The following PIWIL2 variants were observed in gnomAD, a reference collection of about 807,000 sequenced individuals.
PIWIL2 encodes the protein piwi-like protein 2.
Under a neutral mutation model 116.5 loss-of-function variants are expected in PIWIL2, and 81 were observed. The ratio of observed to expected loss-of-function variants is 0.70; its 90% CI spans 0.58 to 0.84. PIWIL2 has a LOEUF of 0.84. PIWIL2 is among the 40% of genes least tolerant of loss of function. The pLI is 0.00. For missense variants in PIWIL2, 1,272 were observed against 1,212.3 expected (o/e 1.05, Z -0.73); for synonymous variants, 489 against 429.5 (o/e 1.14, Z -1.71).
At chr8:22,339,632 A>T (rs1832061525) in intron 20 of PIWIL2, among the ~76,000 whole-genome samples, 1 of 152,228 alleles carries the variant, frequency 6.6e-6, no homozygotes, top group Non-Finnish European at 1.5e-5. Flanking sequence ...GAAAAAATCG[A>T]TTTGATGAAA....
chr8:22,338,287 T>G (rs2132090141), intron 20 of PIWIL2, among the ~76,000 whole-genome samples: 1 of 152,262 alleles, frequency 6.6e-6, no homozygotes, highest in South Asian at 2.1e-4. Flanking sequence ...CCAGAACTAG[T>G]AAGCAAGAAT....
intron 20 of PIWIL2, among the ~76,000 whole-genome samples, chr8:22,328,273 C>G (rs1351126192): frequency 6.6e-6 from 1 of 152,190 alleles, no homozygotes; most frequent in Non-Finnish European, 1.5e-5. Flanking sequence ...ACTGCTAATT[C>G]TATTCCATTG....
At chr8:22,300,460 A>G (rs1234557297) in intron 10 of PIWIL2, among the ~76,000 whole-genome samples, 2 of 152,208 alleles carry the variant, frequency 1.3e-5, no homozygotes, top group Non-Finnish European at 2.9e-5. Flanking sequence ...TAAAGTTGCT[A>G]TAAATATTAG....
At chr8:22,315,174 C>A in intron 18 of PIWIL2, 29 bp downstream of exon 18, 1 of 1,224,050 alleles carries the variant, frequency 8.2e-7, no homozygotes, top group Non-Finnish European at 1.2e-6. Context: ...GTTCAGTTTG[C>A]CTCTCCAGAG....
At chr8:22,321,969 C>T (rs182000589) in intron 20 of PIWIL2, 1 of 985,254 alleles carries the variant, frequency 1.0e-6, no homozygotes, top group Admixed American at 6.1e-5. Context: ...AAATCTCTCA[C>T]TTGTCCTCTG....
intron 6 of PIWIL2, among the ~76,000 whole-genome samples, chr8:22,286,500 A>G (rs540715121): frequency 2.0e-5 from 3 of 152,228 alleles, no homozygotes; most frequent in African/African-American, 7.2e-5. Context: ...CATTAAACAG[A>G]GGGGAGAGGG....
chr8:22,304,110 A>C lies in PIWIL2; in HGVS notation c.1271A>C (p.Asn424Thr). The change falls in exon 11 of 23, where the codon AAT (asparagine) becomes ACT (threonine). Residue 424 changes from asparagine (N) to threonine (T), a missense_variant. By Grantham distance (65) the Asn-to-Thr change is moderately conservative (BLOSUM62 0). Transcript: ENST00000356766. ...VGNIVITRYNNRTYRIDDVDW... is the reference protein window; with the variant it reads ...VGNIVITRYNTRTYRIDDVDW... The stretch of plus-strand genomic sequence containing the variant: ...AATATTGTTATCACCCGATATAACA[A>C]TCGTACCTATCGTATTGATGATGTG... 6.2e-7 allele frequency: 1 copy of C among 1,611,680 alleles called. No individual in the cohort carries two copies. The highest frequency in any genetic ancestry group is 8.5e-7 in the Non-Finnish European group (1 of 1,177,734).
At position 22,290,025 on chromosome 8, in the gene PIWIL2, A is replaced by G. The variant is rs946369678; in HGVS notation, c.1067+98A>G. On this transcript the variant is annotated intron_variant, in intron 9 of 22. Coordinates refer to ENST00000356766, the MANE Select transcript of PIWIL2 (RefSeq NM_018068.5). ...AGTACTATAATGTCAGCAGTAGTTTATGGTAGTGAATACAGTTTATCAATT... is the reference window on the plus strand; with the variant it reads ...AGTACTATAATGTCAGCAGTAGTTTGTGGTAGTGAATACAGTTTATCAATT... 3 of 808,490 alleles carry G rather than the reference A, an allele frequency of 3.7e-6. No individual in the cohort carries two copies. The African/African-American group carries it at 5.1e-5, about 14-fold the overall frequency. The allele number at this position is 808,490 out of a possible 1,614,324, so 50.1% of individuals were successfully genotyped here.
At chr8:22,322,076 T>G (rs371576667) in intron 20 of PIWIL2, 1 of 620,490 alleles carries the variant, frequency 1.6e-6, no homozygotes, top group South Asian at 7.2e-5. Flanking sequence ...CAAAATAGGT[T>G]AGAGGATAGA....
chr8:22,351,703 A>T (rs1310334554), intron 20 of PIWIL2, among the ~76,000 whole-genome samples: 2 of 150,150 alleles, frequency 1.3e-5, no homozygotes, highest in African/African-American at 4.9e-5. Context: ...ACACCTGGCT[A>T]ATTTTTGTAT....
chr8:22,343,689 A>G (rs1832161560), intron 20 of PIWIL2, among the ~76,000 whole-genome samples: 1 of 152,242 alleles, frequency 6.6e-6, no homozygotes, highest in Non-Finnish European at 1.5e-5. Flanking sequence ...AAACAATCAG[A>G]TACCACTACA....
In PIWIL2 at chr8:22,289,967, G is replaced by C. The variant is rs763947391; in HGVS notation, c.1067+40G>C. The C allele has an allele frequency of 4.5e-6, 6 of 1,335,028 alleles. No homozygotes were observed. In the Admixed American group the frequency reaches 1.0e-4, roughly 23 times the overall value. The allele number at this position is 1,335,028 out of a possible 1,614,324, so 82.7% of individuals were successfully genotyped here. A position where few individuals can be genotyped will look rare whatever the true frequency, so the allele number is the denominator to read the frequency against. On this transcript the variant is annotated intron_variant, in intron 9 of 22. Transcript: ENST00000356766. ...CCCTTCCCTCACTTTTGAATGTTCT[G>C]GAAAGAAAGTTTCCATTACAACCAT...
chr8:22,295,653 C>G (rs1263869645), intron 10 of PIWIL2, among the ~76,000 whole-genome samples: 1 of 152,120 alleles, frequency 6.6e-6, no homozygotes, highest in African/African-American at 2.4e-5. Context: ...CTCCCTTGTC[C>G]CCTGCAGCTG....
At chr8:22,329,604 A>G (rs1265385764) in intron 20 of PIWIL2, among the ~76,000 whole-genome samples, 3 of 152,240 alleles carry the variant, frequency 2.0e-5, no homozygotes, top group South Asian at 2.1e-4. Flanking sequence ...CTGCTCCTAT[A>G]ATCGAAACAC....
intron 20 of PIWIL2, among the ~76,000 whole-genome samples, chr8:22,349,800 C>T (rs1156392571): frequency 6.6e-6 from 1 of 152,176 alleles, no homozygotes; most frequent in Non-Finnish European, 1.5e-5. Context: ...GGTAAATGGG[C>T]ATGATTCAGG....
At chr8:22,336,808 A>G (rs549698236) in intron 20 of PIWIL2, among the ~76,000 whole-genome samples, 2 of 152,298 alleles carry the variant, frequency 1.3e-5, no homozygotes, top group African/African-American at 4.8e-5. Flanking sequence ...AATAGAATCA[A>G]TGAAGCCAAA....
At chr8:22,291,486 C>A (rs1467318102) in intron 10 of PIWIL2, among the ~76,000 whole-genome samples, 1 of 152,120 alleles carries the variant, frequency 6.6e-6, no homozygotes, top group Non-Finnish European at 1.5e-5. Context: ...CATGAAATCT[C>A]ATCTTACACA....
chr8:22,317,862 C>G (rs956178645), intron 19 of PIWIL2, among the ~76,000 whole-genome samples: 1 of 151,908 alleles, frequency 6.6e-6, no homozygotes, highest in Admixed American at 6.6e-5. Context: ...GGGGTTTCAC[C>G]GTGTTAGCCA....
intron 10 of PIWIL2, among the ~76,000 whole-genome samples, chr8:22,293,055 C>T (rs950039281): frequency 3.9e-5 from 6 of 152,164 alleles, no homozygotes; most frequent in Non-Finnish European, 7.3e-5. Flanking sequence ...GTCTTCAAAT[C>T]GGCTATTTCT....
Sources: gnomAD v4.1 joint callset for allele counts (sites outside exome capture counted in the v4.1 genomes callset) on GRCh38, gnomAD v4.1.1 for gene constraint, MANE v1.5 for transcripts, NCBI Gene and HGNC (gene_info 2026-07-23, HGNC 2026-07-21) for gene names.